Variants in GPHN observed in about 807,000 individuals in gnomAD.
The protein encoded by GPHN is gephyrin.
Under a neutral mutation model 95.5 loss-of-function variants are expected in GPHN, and 17 were observed. The ratio of observed to expected loss-of-function variants is 0.18; its 90% CI spans 0.12 to 0.27. GPHN has a LOEUF of 0.27. Ranked by LOEUF, GPHN falls within the 10% of genes least tolerant of loss-of-function variation. The probability of loss-of-function intolerance (pLI) is 1.00; values close to 1 mark genes in which losing one functional copy is unlikely to be tolerated. For synonymous variants in GPHN, 320 were observed against 322.5 expected (o/e 0.99, Z 0.08); for missense variants, 660 against 978.1 (o/e 0.67, Z 4.34).
chr14:66,674,988 G>A (rs532000108), intron 1 of GPHN, among the ~76,000 whole-genome samples: 1 of 151,942 alleles, frequency 6.6e-6, no homozygotes, highest in Admixed American at 6.6e-5. Context: ...TGTTATCTTT[G>A]ATCTTTTATA....
intron 1 of GPHN, among the ~76,000 whole-genome samples, chr14:66,643,807 T>A (rs993962899): frequency 1.3e-5 from 2 of 151,770 alleles, no homozygotes; most frequent in Non-Finnish European, 2.9e-5. Flanking sequence ...CTATATGTGT[T>A]TGAGGAATTG....
chr14:67,696,764 G>T, the GPHN span, among the ~76,000 whole-genome samples: 1 of 152,194 alleles, frequency 6.6e-6, no homozygotes, highest in African/African-American at 2.4e-5. Flanking sequence ...GGGGGTGAAA[G>T]TGGAGGGTGT....
At chr14:67,077,491 A>G (rs1012367074) in intron 11 of GPHN, among the ~76,000 whole-genome samples, 1 of 152,202 alleles carries the variant, frequency 6.6e-6, no homozygotes, top group Non-Finnish European at 1.5e-5. Context: ...TCTGTGTCAG[A>G]ATAAATGCCC....
At chr14:67,622,324 A>G in the GPHN span, among the ~76,000 whole-genome samples, 9 of 152,352 alleles carry the variant, frequency 5.9e-5, no homozygotes, top group East Asian at 1.7e-3. Flanking sequence ...TCATAAGTCC[A>G]TTCCAAGTGA....
At chr14:67,499,677 TA>T in the GPHN span, among the ~76,000 whole-genome samples, 1 of 152,084 alleles carries the variant, frequency 6.6e-6, no homozygotes, top group Non-Finnish European at 1.5e-5. Context: ...TGGACAGGAA[TA>T]GGGGCAGAGA....
At chr14:66,565,150 C>T (rs927759067) in intron 1 of GPHN, among the ~76,000 whole-genome samples, 3 of 152,096 alleles carry the variant, frequency 2.0e-5, no homozygotes, top group Non-Finnish European at 4.4e-5. Flanking sequence ...TGAGATTTCA[C>T]CAGTGCCCTC....
the GPHN span, chr14:67,573,497 G>A: frequency 1.4e-5 from 11 of 767,354 alleles, no homozygotes; most frequent in African/African-American, 1.6e-4. The surrounding 1 kb of genome is among the most constrained non-coding windows in gnomAD (Gnocchi z 4.8). Context: ...GAGGGCAAAG[G>A]TCTGGCAGGT....
intron 9 of GPHN, among the ~76,000 whole-genome samples, chr14:66,993,915 T>C (rs1446462625): frequency 1.3e-5 from 2 of 152,152 alleles, no homozygotes; most frequent in African/African-American, 2.4e-5. Context: ...GTAGATGATG[T>C]CTTATAAATA....
chr14:66,871,906 A>G (rs911669320), intron 4 of GPHN, among the ~76,000 whole-genome samples: 1 of 152,304 alleles, frequency 6.6e-6, no homozygotes, highest in East Asian at 1.9e-4. Context: ...AAACCTGCAC[A>G]TTCTGCACAT....
the GPHN span, among the ~76,000 whole-genome samples, chr14:67,671,771 C>T: frequency 2.6e-5 from 4 of 152,142 alleles, no homozygotes; most frequent in Non-Finnish European, 4.4e-5. Flanking sequence ...CTTCTTGCTA[C>T]CCATGGGTCA....
At chr14:67,306,493 G>A in the GPHN span, among the ~76,000 whole-genome samples, 21 of 150,756 alleles carry the variant, frequency 1.4e-4, no homozygotes, top group South Asian at 6.3e-4. Flanking sequence ...ACAGGCGCCC[G>A]CCACCATGCC....
intron 16 of GPHN, among the ~76,000 whole-genome samples, chr14:67,120,500 T>G (rs2078960527): frequency 6.6e-6 from 1 of 152,214 alleles, no homozygotes; most frequent in Admixed American, 6.5e-5. Flanking sequence ...TCCAGTGATC[T>G]CTAATTTTCC....
intron 19 of GPHN, among the ~76,000 whole-genome samples, chr14:67,162,925 A>G (rs1350631536): frequency 1.3e-5 from 2 of 152,236 alleles, no homozygotes; most frequent in Admixed American, 6.5e-5. Flanking sequence ...CAGTTTCCAT[A>G]TAAACTGGGA....
chr14:66,698,266 A>G (rs1357397086), intron 2 of GPHN, among the ~76,000 whole-genome samples: 1 of 152,148 alleles, frequency 6.6e-6, no homozygotes, highest in Admixed American at 6.5e-5. Flanking sequence ...CAAAATGGAG[A>G]AAAAGGTTAA....
At chr14:67,391,793 C>T in the GPHN span, among the ~76,000 whole-genome samples, 1 of 152,324 alleles carries the variant, frequency 6.6e-6, no homozygotes, top group South Asian at 2.1e-4. Flanking sequence ...AGCTGCTCTC[C>T]CAAACACGGT....
chr14:66,767,466 G>A (rs1046987823), intron 2 of GPHN, among the ~76,000 whole-genome samples: 1 of 150,750 alleles, frequency 6.6e-6, no homozygotes, highest in East Asian at 1.9e-4. Flanking sequence ...AAAGAAAAGA[G>A]GGAAAATGAA....
chr14:66,679,065 T>G (rs2066784767), intron 1 of GPHN, among the ~76,000 whole-genome samples: 2 of 152,250 alleles, frequency 1.3e-5, no homozygotes, highest in African/African-American at 4.8e-5. Context: ...GGTCATCATT[T>G]GTGGTACGCA....
chr14:67,007,582 C>G (rs1474302964), intron 9 of GPHN, among the ~76,000 whole-genome samples: 1 of 152,222 alleles, frequency 6.6e-6, no homozygotes, highest in Admixed American at 6.5e-5. Flanking sequence ...ACTTCAACTG[C>G]TACCATATGG....
chr14:67,300,736 A>G, the GPHN span, among the ~76,000 whole-genome samples: 2 of 152,210 alleles, frequency 1.3e-5, no homozygotes, highest in African/African-American at 4.8e-5. Flanking sequence ...AGTTTATCCT[A>G]GGAAGACAAA....
Sources: allele counts gnomAD v4.1 joint callset (sites outside exome capture counted in the v4.1 genomes callset), GRCh38; gene constraint gnomAD v4.1.1; non-coding constraint Gnocchi (gnomAD v3.1); transcripts MANE v1.5; gene names NCBI Gene and HGNC (gene_info 2026-07-23, HGNC 2026-07-21).